The following NUCKS1 variants were observed in gnomAD, a reference collection of about 807,000 sequenced individuals.
NUCKS1 encodes nuclear casein kinase and cyclin dependent kinase substrate 1, also known as nuclear ubiquitous casein and cyclin-dependent kinase substrate 1.
In NUCKS1, 2 loss-of-function variants were observed where a neutral mutation model predicts 33.0. The ratio of observed to expected loss-of-function variants is 0.06; its 90% confidence interval spans 0.02 to 0.19. The LOEUF (loss-of-function observed/expected upper bound fraction) is 0.19, where lower values mean the gene tolerates loss of function less well. Ranked by LOEUF, NUCKS1 falls within the 10% of genes least tolerant of loss-of-function variation. The pLI is 1.00. For missense variants in NUCKS1, 201 were observed against 293.6 expected (o/e 0.68, Z 2.31); for synonymous variants, 106 against 102.8 (o/e 1.03, Z -0.19).
At chr1:205,736,121 A>T (rs1280114087) in intron 1 of NUCKS1, among the ~76,000 whole-genome samples, 1 of 151,994 alleles carries the variant, frequency 6.6e-6, no homozygotes, top group Non-Finnish European at 1.5e-5. Context: ...CCAGTAAATT[A>T]AAAATTTTTT....
chr1:205,740,551 G>A (rs1484782757), intron 1 of NUCKS1, among the ~76,000 whole-genome samples: 1 of 151,902 alleles, frequency 6.6e-6, no homozygotes, highest in Admixed American at 6.6e-5. Context: ...GGAGGCTGAT[G>A]TTGCAATGAG....
intron 3 of NUCKS1, among the ~76,000 whole-genome samples, chr1:205,724,508 A>G (rs1358555477): frequency 6.6e-6 from 1 of 152,326 alleles, no homozygotes; most frequent in Middle Eastern, 3.4e-3. Flanking sequence ...AGCCTGGCTA[A>G]CATGGTGAAA....
chr1:205,741,699 A>G (rs1654179917), intron 1 of NUCKS1, among the ~76,000 whole-genome samples: 1 of 152,234 alleles, frequency 6.6e-6, no homozygotes, highest in African/African-American at 2.4e-5. Context: ...ACTAAGATAA[A>G]TGAAGCAGTA....
chr1:205,723,860 T>G, intron 4 of NUCKS1, 66 bp downstream of exon 4: 1 of 1,181,860 alleles, frequency 8.5e-7, no homozygotes, highest in Non-Finnish European at 1.2e-6. Flanking sequence ...AAATCACTTA[T>G]TAAAACATCT....
chr1:205,721,745 G>A (rs900428679), intron 4 of NUCKS1, among the ~76,000 whole-genome samples: 6 of 150,136 alleles, frequency 4.0e-5, no homozygotes, highest in East Asian at 1.9e-4. Flanking sequence ...GCGCAATCTC[G>A]CCTCACTGCA....
intron 3 of NUCKS1, among the ~76,000 whole-genome samples, chr1:205,727,407 C>T (rs1352969313): frequency 2.6e-5 from 4 of 152,156 alleles, no homozygotes; most frequent in Non-Finnish European, 4.4e-5. Context: ...GCAGGCTATA[C>T]AACTTAAGAT....
Position 205,718,084 on chromosome 1 carries a change from TTA to T in NUCKS1, c.*194_*195del. On this transcript the variant is annotated 3_prime_UTR_variant, in exon 7 of 7. Coordinates refer to ENST00000367142, the MANE Select transcript of NUCKS1 (RefSeq NM_022731.5). The stretch of plus-strand genomic sequence containing the variant: ...ACACTTACACATACAATGGTTTGCT[TTA>T]AAAAAAAAAAAAAAAAAAGAGAGAG... The T allele has an allele frequency of 9.7e-6, 12 of 1,236,346 alleles. No individual in the cohort carries two copies. The highest frequency in any genetic ancestry group is 3.7e-5 in the East Asian group (1 of 27,150). The allele number at this position is 1,236,346 out of a possible 1,614,324, so 76.6% of individuals were successfully genotyped here.
Position 205,718,084 on chromosome 1 carries a change from T to TAA in NUCKS1, c.*195_*196insTT. On this transcript the variant is annotated 3_prime_UTR_variant, in exon 7 of 7. Transcript: ENST00000367142. Reference sequence around the variant, plus strand: ...ACACTTACACATACAATGGTTTGCTTTAAAAAAAAAAAAAAAAAAAGAGAG... The same window carrying TAA: ...ACACTTACACATACAATGGTTTGCTTAATAAAAAAAAAAAAAAAAAAAGAGAG... The TAA allele has an allele frequency of 1.6e-6, 2 of 1,236,378 alleles. No homozygotes were observed. Among genetic ancestry groups the TAA allele is most frequent in the Non-Finnish European group, 2.0e-6 (2 of 996,190 alleles). 76.6% of individuals were successfully genotyped at this position (1,236,378 alleles called of 1,614,324 possible).
chr1:205,749,860 C>A lies in NUCKS1; in HGVS notation c.17+97G>T, dbSNP rs576376472. On this transcript the variant is annotated intron_variant, in intron 1 of 6. Transcript: ENST00000367142. Reference sequence around the variant, plus strand: ...GAAAGGGAGGAGGCCGCGCGCGGCACCGGGGATGGCGGACTCTAGCCTTCT... The same window carrying A: ...GAAAGGGAGGAGGCCGCGCGCGGCAACGGGGATGGCGGACTCTAGCCTTCT... 7 of 1,340,686 alleles carry A rather than the reference C, an allele frequency of 5.2e-6. No homozygotes were observed. In the South Asian group the frequency reaches 8.8e-5, roughly 17 times the overall value. 83.0% of individuals were successfully genotyped at this position (1,340,686 alleles called of 1,614,324 possible). A position where few individuals can be genotyped will look rare whatever the true frequency, so the allele number is the denominator to read the frequency against.
At chr1:205,736,055 A>C (rs1654027214) in intron 1 of NUCKS1, among the ~76,000 whole-genome samples, 1 of 152,124 alleles carries the variant, frequency 6.6e-6, no homozygotes, top group Non-Finnish European at 1.5e-5. Context: ...GGACTCAAGC[A>C]ATTCTCCCAA....
intron 3 of NUCKS1, among the ~76,000 whole-genome samples, chr1:205,727,067 G>A (rs1653798952): frequency 6.6e-6 from 1 of 152,044 alleles, no homozygotes; most frequent in African/African-American, 2.4e-5. Context: ...GGGCTCAAAG[G>A]ATCCTCCTGC....
Position 205,734,615 on chromosome 1 carries a change from C to T in NUCKS1, c.18-4994G>A, listed in dbSNP as rs372965458. 3.0e-3 allele frequency among the ~76,000 whole-genome samples: 450 copies of T among 152,240 alleles called. 4 individuals are homozygous for T. The highest frequency in any genetic ancestry group is 0.01 in the African/African-American group (423 of 41,550). On this transcript the variant is annotated intron_variant, in intron 1 of 6. Transcript: ENST00000367142. Reference sequence around the variant, plus strand: ...TGACTCATAATAATTTGGTTCAGGCCGGGCTTGGTGGCTCACGCCTGTAAT... The same window carrying T: ...TGACTCATAATAATTTGGTTCAGGCTGGGCTTGGTGGCTCACGCCTGTAAT...
At chr1:205,746,353 CATGTCTTTGAAGGAATT>C (rs1300610893) in intron 1 of NUCKS1, among the ~76,000 whole-genome samples, 1 of 151,924 alleles carries the variant, frequency 6.6e-6, no homozygotes, top group Non-Finnish European at 1.5e-5. Context: ...TCTTTGATGG[CATGTCTTTGAAGGAATT>C]ATGTCTTTTT....
At chr1:205,746,009 T>C (rs898270934) in intron 1 of NUCKS1, among the ~76,000 whole-genome samples, 1 of 152,204 alleles carries the variant, frequency 6.6e-6, no homozygotes, top group Non-Finnish European at 1.5e-5. Context: ...TAAAAGTAAC[T>C]TTCCGGCCGG....
chr1:205,739,004 T>G (rs1191116762), intron 1 of NUCKS1, among the ~76,000 whole-genome samples: 1 of 152,208 alleles, frequency 6.6e-6, no homozygotes, highest in Non-Finnish European at 1.5e-5. Flanking sequence ...ATTTTTTGTG[T>G]GTGAATCCAC....
intron 1 of NUCKS1, among the ~76,000 whole-genome samples, chr1:205,731,807 G>A (rs1653919355): frequency 6.6e-6 from 1 of 151,802 alleles, no homozygotes. Flanking sequence ...CAGGAGAATG[G>A]CTTGAACCCG....
At chr1:205,742,325 T>C (rs1571587791) in intron 1 of NUCKS1, among the ~76,000 whole-genome samples, 1 of 152,310 alleles carries the variant, frequency 6.6e-6, no homozygotes. Flanking sequence ...GTTGAAACAC[T>C]CTTAAGCAGC....
intron 6 of NUCKS1, 131 bp from the exon 7 acceptor site, chr1:205,718,610 G>A (rs1671869633): frequency 3.9e-6 from 5 of 1,276,960 alleles, no homozygotes; most frequent in Admixed American, 2.5e-5. Flanking sequence ...AAACCAAGGT[G>A]GGCACAAGGG....
intron 1 of NUCKS1, among the ~76,000 whole-genome samples, chr1:205,745,598 A>G (rs1654301173): frequency 6.6e-6 from 1 of 152,242 alleles, no homozygotes; most frequent in African/African-American, 2.4e-5. Flanking sequence ...CTAAAAATCA[A>G]TGTGTATGGA....
Sources: allele counts gnomAD v4.1 joint callset (sites outside exome capture counted in the v4.1 genomes callset), GRCh38; gene constraint gnomAD v4.1.1; transcripts MANE v1.5; gene names NCBI Gene and HGNC (gene_info 2026-07-23, HGNC 2026-07-21).